Variants in MGA observed in about 807,000 individuals in gnomAD.
MGA encodes MAX gene-associated protein.
Under a neutral mutation model 261.1 loss-of-function variants are expected in MGA, and 40 were observed. The ratio of observed to expected loss-of-function variants is 0.15; its 90% CI spans 0.12 to 0.20. The LOEUF (loss-of-function observed/expected upper bound fraction) is 0.20. Ranked by LOEUF, MGA falls within the 10% of genes least tolerant of loss-of-function variation. MGA has a pLI of 1.00. For synonymous variants in MGA, 1,302 were observed against 1,290.6 expected, an observed-to-expected ratio of 1.01 and a Z score of -0.19; for missense variants, 3,397 against 3,630.5, an observed-to-expected ratio of 0.94 and a Z score of 1.65.
chr15:41,761,953 A>G (rs1200651034), intron 21 of MGA, 103 bp downstream of exon 21: 2 of 1,044,218 alleles, frequency 1.9e-6, no homozygotes, highest in Non-Finnish European at 2.8e-6. Flanking sequence ...CTTGGCTCCC[A>G]CAGTTTACAG....
chr15:41,735,630 G>T (rs575757568), intron 12 of MGA, among the ~76,000 whole-genome samples: 1 of 151,970 alleles, frequency 6.6e-6, no homozygotes, highest in Admixed American at 6.6e-5. Context: ...TCAGCTACTC[G>T]GGAGGCTGAG....
rs758661850 is a variant in MGA, at chr15:41,711,017, A to G, written c.2752A>G (p.Ile918Val). The change falls in exon 8 of 24, where the codon ATT (isoleucine) becomes GTT (valine). Residue 918 changes from isoleucine to valine, a missense_variant. Coordinates refer to ENST00000219905, the MANE Select transcript of MGA (RefSeq NM_001164273.2). ...CCGAACTAAATCATCTTATAAATCC[A>G]TTTTACCATACCCTGTTTCACCAAA... The G allele has an allele frequency of 1.2e-6, 2 of 1,613,978 alleles. No homozygotes were observed. Among genetic ancestry groups the G allele is most frequent in the Non-Finnish European group, 1.7e-6 (2 of 1,179,880 alleles).
At chr15:41,672,854 A>G (rs964798558) in intron 2 of MGA, among the ~76,000 whole-genome samples, 1 of 128,750 alleles carries the variant, frequency 7.8e-6, no homozygotes, top group African/African-American at 2.8e-5. Flanking sequence ...AAAATTATAT[A>G]CACATGCGTG....
rs377434868 is a variant in MGA at position 41,708,143 on chromosome 15, A to G, written c.2360A>G (p.Asn787Ser). ...TTTGTTTCTAGGACAGGGAAAACCA[A>G]TGATTTCACTAAGATCAAGGGATGG... is the stretch of plus-strand genomic sequence containing the variant. The change falls in exon 7 of 24, where the codon AAT becomes AGT. Residue 787 changes from asparagine (N) to serine (S), a missense_variant. Physicochemically the swap from Asn to Ser is conservative, Grantham distance 46. Coordinates refer to ENST00000219905, the MANE Select transcript of MGA (RefSeq NM_001164273.2). The G allele has an allele frequency of 1.3e-5, 21 of 1,601,082 alleles. No homozygotes were observed. Among genetic ancestry groups the G allele is most frequent in the East Asian group, 2.2e-5 (1 of 44,692 alleles).
At chr15:41,691,188 AT>A (rs1309092680) in intron 2 of MGA, among the ~76,000 whole-genome samples, 2 of 151,900 alleles carry the variant, frequency 1.3e-5, no homozygotes, top group Non-Finnish European at 2.9e-5. Flanking sequence ...ATATTTTTCT[AT>A]TTATTTTGGT....
intron 1 of MGA, among the ~76,000 whole-genome samples, chr15:41,632,283 C>A (rs1325481341): frequency 6.6e-6 from 1 of 152,132 alleles, no homozygotes; most frequent in East Asian, 1.9e-4. Flanking sequence ...GCAGGACCAG[C>A]CCAGAGAGTG....
chr15:41,733,134 C>A (rs1452162442), intron 11 of MGA, among the ~76,000 whole-genome samples: 1 of 152,022 alleles, frequency 6.6e-6, no homozygotes, highest in Admixed American at 6.6e-5. Context: ...AATTTCTATG[C>A]TTTAGTTGAG....
Position 41,711,229 on chromosome 15 carries a change from G to A in MGA, c.2964G>A (p.Leu988=). Residue 988 remains leucine, a synonymous_variant, in exon 8 of 24, where the codon TTG becomes TTA. Coordinates refer to ENST00000219905, the MANE Select transcript of MGA (RefSeq NM_001164273.2). Reference sequence around the variant, plus strand: ...AACAGGGAAGTCGCCCTCCAGGCTTGTCTAAATCTCAGGTGAAGCTAATGG... The same window carrying A: ...AACAGGGAAGTCGCCCTCCAGGCTTATCTAAATCTCAGGTGAAGCTAATGG... 1 of 1,614,034 alleles carries A rather than the reference G, an allele frequency of 6.2e-7. No homozygotes were observed.
intron 9 of MGA, among the ~76,000 whole-genome samples, chr15:41,719,398 A>C (rs1221489676): frequency 6.6e-6 from 1 of 152,184 alleles, no homozygotes; most frequent in Non-Finnish European, 1.5e-5. Flanking sequence ...AAGTTTCTAA[A>C]ATTTTTATGA....
intron 11 of MGA, among the ~76,000 whole-genome samples, chr15:41,732,942 T>C (rs2061585574): frequency 6.6e-6 from 1 of 152,088 alleles, no homozygotes; most frequent in African/African-American, 2.4e-5. Flanking sequence ...AGTAGCCATT[T>C]TTTTATTCCT....
chr15:41,660,651 C>T (rs1312305882), intron 1 of MGA, 126 bp downstream of exon 1: 6 of 152,584 alleles, frequency 3.9e-5, no homozygotes, highest in Admixed American at 2.6e-4. Flanking sequence ...TTCGCACGCC[C>T]TCGCCAGGCC....
rs1185175840 is a variant in MGA at position 41,750,398 on chromosome 15, G to A, written c.6791G>A (p.Ser2264Asn). Residue 2264 changes from serine (S) to asparagine (N), a missense_variant, in exon 17 of 24, where the codon AGC becomes AAC. Physicochemically the swap from Ser to Asn is conservative, Grantham distance 46 (BLOSUM62 1). Around this residue, in one of 9 missense-constraint regions of MGA, gnomAD observed 1,410 missense variants for 1,386.4 expected, o/e 1.02. Transcript: ENST00000219905. ...GTTCCTAGGAGAGCTGCAAAAAGCA[G>A]CAGAGGGAATGGACATTTTCAGGGT... The A allele has an allele frequency of 3.1e-6, 5 of 1,613,822 alleles. No homozygotes were observed. Among genetic ancestry groups the A allele is most frequent in the Non-Finnish European group, 4.2e-6 (5 of 1,179,888 alleles).
intron 2 of MGA, among the ~76,000 whole-genome samples, chr15:41,683,697 GC>G (rs1366148208): frequency 6.6e-6 from 1 of 150,920 alleles, no homozygotes; most frequent in East Asian, 2.0e-4. Context: ...TCCCACATCA[GC>G]CCCATAGGTA....
Position 41,742,525 on chromosome 15 carries a change from C to T in MGA, c.4586-21C>T, listed in dbSNP as rs184357321. On this transcript the variant is annotated intron_variant, in intron 14 of 23. Transcript: ENST00000219905. ...AAATATGAGAACTGAAGATTTTTGA[C>T]CTGCAAATTTCTGTTTGCAGCGGCT... 8.7e-6 allele frequency: 14 copies of T among 1,602,684 alleles called. No individual in the cohort carries two copies. In the East Asian group the frequency reaches 2.9e-4, roughly 33 times the overall value.
chr15:41,760,171 A>T, intron 19 of MGA, 152 bp from the exon 20 acceptor site: 1 of 663,570 alleles, frequency 1.5e-6, no homozygotes, highest in Non-Finnish European at 2.7e-6. Flanking sequence ...TGAAGGAAGG[A>T]TAGACTGGTA....
rs1355030622 is a variant in MGA, at chr15:41,766,484, A to G, written c.8402A>G (p.Glu2801Gly). The change falls in exon 24 of 24, where the codon GAA (glutamate) becomes GGA (glycine). Residue 2801 changes from glutamate (E) to glycine (G), a missense_variant. By Grantham distance (98) the Glu-to-Gly change is moderately conservative (BLOSUM62 -2). This residue lies in a region of MGA where 647 missense variants were observed against 642.4 expected (regional missense o/e 1.01). Transcript: ENST00000219905. The stretch of plus-strand genomic sequence containing the variant: ...AGGAAAGTAACATCAGCTATAGAGG[A>G]AGCAGCTCTTGATTCCAGTGAACTG... The G allele has an allele frequency of 6.2e-7, 1 of 1,614,022 alleles. No homozygotes were observed. Among genetic ancestry groups the G allele is most frequent in the Non-Finnish European group, 8.5e-7 (1 of 1,179,900 alleles).
intron 1 of MGA, among the ~76,000 whole-genome samples, chr15:41,623,543 G>C (rs951253679): frequency 6.6e-6 from 1 of 151,780 alleles, no homozygotes. Flanking sequence ...TCGGGAGTTC[G>C]AGACTAGCCT....
intron 1 of MGA, among the ~76,000 whole-genome samples, chr15:41,621,952 G>T (rs939966082): frequency 6.7e-6 from 1 of 148,624 alleles, no homozygotes; most frequent in African/African-American, 2.5e-5. Context: ...ATGGCTGCTG[G>T]AAAGAGTCGC....
In MGA at chr15:41,684,893, A is replaced by T. The variant is rs538653834; in HGVS notation, c.1065-11182A>T. ...CTTTTCTGTAGTTTTTGCTTGCTTAATCTTTAAAAACAGATAAAGGGAAAC... is the reference window on the plus strand; with the variant it reads ...CTTTTCTGTAGTTTTTGCTTGCTTATTCTTTAAAAACAGATAAAGGGAAAC... On this transcript the variant is annotated intron_variant, in intron 2 of 23. Coordinates refer to ENST00000219905, the MANE Select transcript of MGA (RefSeq NM_001164273.2). Among the ~76,000 whole-genome samples the T allele has an allele frequency of 5.3e-5, 8 of 152,294 alleles. No homozygotes were observed. In the South Asian group the frequency reaches 1.7e-3, roughly 32 times the overall value.
Sources: allele counts gnomAD v4.1 joint callset (sites outside exome capture counted in the v4.1 genomes callset), GRCh38; gene constraint gnomAD v4.1.1; regional missense constraint gnomAD v4.1.1; transcripts MANE v1.5; gene names NCBI Gene and HGNC (gene_info 2026-07-23, HGNC 2026-07-21).